SOS1: variants seen among roughly 807,000 people sequenced by gnomAD.
The protein encoded by SOS1 is SOS Ras/Rac guanine nucleotide exchange factor 1.
Under a neutral mutation model 157.6 loss-of-function variants are expected in SOS1, and 25 were observed. The observed-to-expected ratio is 0.16, with a 90% CI of 0.12 to 0.22. The LOEUF (loss-of-function observed/expected upper bound fraction) is 0.22, where lower values mean the gene tolerates loss of function less well. Among genes scored for constraint, SOS1 ranks in the 10% least tolerant of loss-of-function variants. The pLI, the probability that SOS1 is intolerant of heterozygous loss-of-function variation, is 1.00. For missense variants in SOS1, 1,237 were observed against 1,599.1 expected, an observed-to-expected ratio of 0.77 and a Z score of 3.86; for synonymous variants, 528 against 534.0, an observed-to-expected ratio of 0.99 and a Z score of 0.16.
chr2:39,038,660 G>A (rs1209556839), intron 6 of SOS1, among the ~76,000 whole-genome samples: 2 of 135,502 alleles, frequency 1.5e-5, no homozygotes, highest in African/African-American at 2.8e-5. Context: ...CTAGAACCTG[G>A]GAGGCAGAGG....
At chr2:39,006,916 T>G in intron 16 of SOS1, 115 bp downstream of exon 16, 1 of 760,596 alleles carries the variant, frequency 1.3e-6, no homozygotes, top group Non-Finnish European at 2.3e-6. Context: ...AGTCTTTTAA[T>G]CTACTACTGA....
At chr2:39,109,513 G>C (rs1432845551) in intron 1 of SOS1, among the ~76,000 whole-genome samples, 1 of 152,300 alleles carries the variant, frequency 6.6e-6, no homozygotes, top group South Asian at 2.1e-4. Context: ...CCTCTCCTGA[G>C]ATACTTCTTC....
chr2:39,000,683 G>C (rs575701176), intron 17 of SOS1, among the ~76,000 whole-genome samples: 1 of 152,152 alleles, frequency 6.6e-6, no homozygotes, highest in Non-Finnish European at 1.5e-5. Context: ...CTACAATACA[G>C]TGTTATGCTT....
At chr2:39,015,738 A>AGG (rs1274682252) in intron 10 of SOS1, among the ~76,000 whole-genome samples, 1 of 149,566 alleles carries the variant, frequency 6.7e-6, no homozygotes, top group African/African-American at 2.5e-5. Flanking sequence ...CTCCCATAAT[A>AGG]GGGGGGAGAA....
chr2:39,034,877 A>G, intron 8 of SOS1: 3 of 469,132 alleles, frequency 6.4e-6, no homozygotes. Context: ...CATAAATCCA[A>G]GGTTGTTTTC....
At chr2:39,098,862 C>G (rs1327702572) in intron 1 of SOS1, among the ~76,000 whole-genome samples, 1 of 151,910 alleles carries the variant, frequency 6.6e-6, no homozygotes, top group East Asian at 1.9e-4. Flanking sequence ...GCACTCCAGC[C>G]AGGGCAACAA....
At chr2:39,096,838 A>G (rs1264787788) in intron 1 of SOS1, among the ~76,000 whole-genome samples, 5 of 151,958 alleles carry the variant, frequency 3.3e-5, no homozygotes, top group Admixed American at 2.6e-4. Context: ...GTGAGCCGAG[A>G]TCGCGCCACT....
At position 38,982,867 on chromosome 2, in the gene SOS1, CATAAT is replaced by C. The variant is rs1007958951; in HGVS notation, c.*2952_*2956del. 19 of 152,192 alleles carry C rather than the reference CATAAT, an allele frequency of 1.2e-4. No individual in the cohort carries two copies. The highest frequency in any genetic ancestry group is 3.4e-4 in the African/African-American group (14 of 41,546). The allele number at this position is 152,192 out of a possible 1,614,324, so 9.4% of individuals were successfully genotyped here. On this transcript the variant is annotated 3_prime_UTR_variant, in exon 23 of 23. Coordinates refer to ENST00000402219, the MANE Select transcript of SOS1 (RefSeq NM_005633.4). Reference sequence around the variant, plus strand: ...AAAAAAACCTTTAAGAATTTAGAATCATAATATAGCCTCCAGCTGACATAGTAATT... The same window carrying C: ...AAAAAAACCTTTAAGAATTTAGAATCATAGCCTCCAGCTGACATAGTAATT...
chr2:39,078,521 A>T (rs530730634), intron 1 of SOS1, among the ~76,000 whole-genome samples: 15 of 76,126 alleles, frequency 2.0e-4, no homozygotes, highest in African/African-American at 7.7e-4. Flanking sequence ...ACCAGGCCAC[A>T]GAGCAGGTGA....
At chr2:39,050,699 C>A (rs1414671746) in intron 6 of SOS1, among the ~76,000 whole-genome samples, 1 of 152,146 alleles carries the variant, frequency 6.6e-6, no homozygotes, top group African/African-American at 2.4e-5. Context: ...GAATACTCAA[C>A]CTGTATTATC....
rs77393879 is a variant in SOS1, at chr2:39,057,027, A to G, written c.346-161T>C. Reference sequence around the variant, plus strand: ...TGTAAGTGGTTCAACAATGAATAATATATGTATTACTATTGAAAATGTAAG... The same window carrying G: ...TGTAAGTGGTTCAACAATGAATAATGTATGTATTACTATTGAAAATGTAAG... On this transcript the variant is annotated intron_variant, in intron 3 of 22. Coordinates refer to ENST00000402219, the MANE Select transcript of SOS1 (RefSeq NM_005633.4). Among the ~76,000 whole-genome samples the G allele has an allele frequency of 1.4e-3, 211 of 152,310 alleles. 2 individuals carry two copies. In the East Asian group the frequency reaches 0.034, roughly 25 times the overall value.
intron 2 of SOS1, among the ~76,000 whole-genome samples, chr2:39,064,741 C>CTTTTTT (rs1558496540): frequency 4.1e-5 from 2 of 49,086 alleles, no homozygotes; most frequent in Admixed American, 2.5e-4. Flanking sequence ...TTTTAAAATA[C>CTTTTTT]ATTTTTTTTT....
At chr2:39,080,914 A>G (rs568575733) in intron 1 of SOS1, among the ~76,000 whole-genome samples, 26 of 152,324 alleles carry the variant, frequency 1.7e-4, no homozygotes, top group African/African-American at 6.3e-4. Flanking sequence ...GGCCAGGAAC[A>G]GTGGCTCATG....
intron 1 of SOS1, among the ~76,000 whole-genome samples, chr2:39,094,544 G>A (rs771231079): frequency 6.6e-6 from 1 of 152,122 alleles, no homozygotes; most frequent in Non-Finnish European, 1.5e-5. Context: ...TACTCAGGAG[G>A]CTGAGGCAGA....
At chr2:39,073,966 C>A (rs1671873747) in intron 1 of SOS1, among the ~76,000 whole-genome samples, 1 of 152,172 alleles carries the variant, frequency 6.6e-6, no homozygotes, top group Admixed American at 6.5e-5. Context: ...CTTAGTGTTA[C>A]AATTCTTTAG....
At chr2:39,112,990 C>A (rs1266931632) in intron 1 of SOS1, among the ~76,000 whole-genome samples, 3 of 151,366 alleles carry the variant, frequency 2.0e-5, no homozygotes, top group Non-Finnish European at 4.4e-5. Flanking sequence ...GAGCGGAGAT[C>A]ACACCACTGC....
rs555907831 is a variant in SOS1 at position 39,042,645 on chromosome 2, C to T, written c.865-7145G>A. ...GTCTCAAACTCCTGACCTTGTGATCCGCCCGCCTCAGCCTCCAAAAGTGCT... is the reference window on the plus strand; with the variant it reads ...GTCTCAAACTCCTGACCTTGTGATCTGCCCGCCTCAGCCTCCAAAAGTGCT... On this transcript the variant is annotated intron_variant, in intron 6 of 22. Transcript: ENST00000402219. 4.9e-4 allele frequency among the ~76,000 whole-genome samples: 74 copies of T among 151,746 alleles called. No homozygotes were observed. In the South Asian group the frequency reaches 5.2e-3, roughly 11 times the overall value.
chr2:39,073,255 T>C (rs1304977433), intron 1 of SOS1, among the ~76,000 whole-genome samples: 2 of 152,232 alleles, frequency 1.3e-5, no homozygotes, highest in Non-Finnish European at 2.9e-5. Flanking sequence ...TGAGCAATTA[T>C]AAATAAGCAT....
chr2:39,046,885 T>A (rs1215099063), intron 6 of SOS1, among the ~76,000 whole-genome samples: 2 of 152,216 alleles, frequency 1.3e-5, no homozygotes, highest in African/African-American at 2.4e-5. Context: ...AAGAACACCA[T>A]CCAATGCATC....
Sources: gnomAD v4.1 joint callset for allele counts (sites outside exome capture counted in the v4.1 genomes callset) on GRCh38, gnomAD v4.1.1 for gene constraint, MANE v1.5 for transcripts, NCBI Gene and HGNC (gene_info 2026-07-23, HGNC 2026-07-21) for gene names.